The following CCNG1 variants were observed in gnomAD, a reference collection of about 807,000 sequenced individuals.
CCNG1 encodes the protein cyclin G1.
A neutral mutation model predicts 30.0 loss-of-function variants in CCNG1; 13 were observed. The ratio of observed to expected loss-of-function variants is 0.43; its 90% confidence interval spans 0.28 to 0.69. CCNG1 has a LOEUF of 0.69. Among genes scored for constraint, CCNG1 ranks in the 30% least tolerant of loss-of-function variants. The pLI is 0.16. For synonymous variants in CCNG1, 110 were observed against 121.5 expected, an observed-to-expected ratio of 0.91 and a Z score of 0.62; for missense variants, 285 against 331.4, an observed-to-expected ratio of 0.86 and a Z score of 1.09.
chr5:163,446,563 C>A (rs1758041768), downstream of CCNG1: 1 of 152,124 alleles, frequency 6.6e-6, no homozygotes, highest in East Asian at 1.9e-4. Context: ...ATATGCTGGC[C>A]ACATTAACTT....
chr5:163,443,291 G>C (rs1316758708), intron 6 of CCNG1, among the ~76,000 whole-genome samples: 13 of 137,498 alleles, frequency 9.5e-5, no homozygotes, highest in Admixed American at 3.2e-4. Flanking sequence ...CAGCCTGGGC[G>C]ACAGAGCAAG....
In CCNG1 at chr5:163,444,820, G is replaced by A. The variant is rs1581172544; in HGVS notation, c.*1150G>A. On this transcript the variant is annotated 3_prime_UTR_variant, in exon 7 of 7. Transcript: ENST00000340828. ...GATCAGTACACAATGAAAAACCAAA[G>A]AACCACAGTATATCTTATTCTTAAC... The A allele has an allele frequency of 6.6e-6, 1 of 152,556 alleles. No individual in the cohort carries two copies. The highest frequency in any genetic ancestry group is 1.9e-4 in the East Asian group (1 of 5,190). The allele number at this position is 152,556 out of a possible 1,614,324, so 9.5% of individuals were successfully genotyped here.
the CCNG1 span, among the ~76,000 whole-genome samples, chr5:163,456,314 G>A: frequency 6.6e-6 from 1 of 152,172 alleles, no homozygotes; most frequent in African/African-American, 2.4e-5. Flanking sequence ...TGAAAGCACA[G>A]CTTTCTTTAA....
intron 1 of CCNG1, 28 bp from the exon 2 acceptor site, chr5:163,439,229 C>A: frequency 4.4e-6 from 7 of 1,602,104 alleles, no homozygotes; most frequent in Non-Finnish European, 6.0e-6. Context: ...CTCTTACACT[C>A]CTTGCTGGTC....
downstream of CCNG1, chr5:163,446,236 T>C (rs774302959): frequency 2.0e-5 from 3 of 151,438 alleles, no homozygotes; most frequent in Non-Finnish European, 2.9e-5. Context: ...TTTACAATTA[T>C]GAGACATCCT....
chr5:163,455,222 G>T, the CCNG1 span, among the ~76,000 whole-genome samples: 1 of 152,100 alleles, frequency 6.6e-6, no homozygotes, highest in African/African-American at 2.4e-5. Flanking sequence ...ATTGAGCAAT[G>T]ATATGAAAAC....
the CCNG1 span, among the ~76,000 whole-genome samples, chr5:163,455,501 C>T: frequency 6.6e-6 from 1 of 152,146 alleles, no homozygotes; most frequent in African/African-American, 2.4e-5. Flanking sequence ...CGGTGGTTCA[C>T]GCCTGTAATC....
downstream of CCNG1, chr5:163,449,488 C>A (rs1472622894): frequency 6.6e-6 from 1 of 152,168 alleles, no homozygotes; most frequent in Non-Finnish European, 1.5e-5. Flanking sequence ...TAAATAGATA[C>A]CTCATGTTCA....
intron 1 of CCNG1, among the ~76,000 whole-genome samples, chr5:163,438,779 G>A (rs1757631166): frequency 6.6e-6 from 1 of 152,094 alleles, no homozygotes; most frequent in Non-Finnish European, 1.5e-5. Context: ...TGTAATCCCG[G>A]CACTTTGGAA....
the CCNG1 span, chr5:163,457,504 G>C: frequency 9.9e-7 from 1 of 1,010,902 alleles, no homozygotes; most frequent in East Asian, 2.4e-5. Flanking sequence ...ATACAAAAGA[G>C]GAAAAGATAT....
chr5:163,442,759 G>A (rs1294707594), intron 6 of CCNG1, among the ~76,000 whole-genome samples, 191 bp downstream of exon 6: 1 of 152,156 alleles, frequency 6.6e-6, no homozygotes, highest in African/African-American at 2.4e-5. Context: ...CATCTTAGGA[G>A]TAAGGAATTA....
downstream of CCNG1, chr5:163,447,012 ATAAAT>A (rs1758053579): frequency 6.6e-6 from 1 of 152,258 alleles, no homozygotes; most frequent in Non-Finnish European, 1.5e-5. Flanking sequence ...GTCTCAAAAA[ATAAAT>A]TAAAAAGCCA....
the CCNG1 span, among the ~76,000 whole-genome samples, chr5:163,456,143 G>T: frequency 6.6e-6 from 1 of 152,098 alleles, no homozygotes; most frequent in East Asian, 1.9e-4. Flanking sequence ...AGGCAACCGG[G>T]TATGCAGGTC....
downstream of CCNG1, chr5:163,449,668 C>T (rs996728834): frequency 3.9e-5 from 6 of 152,152 alleles, no homozygotes; most frequent in African/African-American, 7.2e-5. Context: ...AGTTTTAAGA[C>T]TTACTATAAA....
At chr5:163,452,355 T>C in the CCNG1 span, 3 of 152,132 alleles carry the variant, frequency 2.0e-5, no homozygotes, top group African/African-American at 7.2e-5. Flanking sequence ...GAGGACAGCA[T>C]GAGAAGCCTG....
chr5:163,443,399 A>G (rs1757928756), intron 6 of CCNG1, among the ~76,000 whole-genome samples: 1 of 152,132 alleles, frequency 6.6e-6, no homozygotes, highest in Non-Finnish European at 1.5e-5. Flanking sequence ...TGTCAACACT[A>G]TACTAACCTA....
At chr5:163,456,730 A>T in the CCNG1 span, among the ~76,000 whole-genome samples, 5 of 152,228 alleles carry the variant, frequency 3.3e-5, no homozygotes, top group African/African-American at 1.2e-4. Context: ...ACAGCAATAC[A>T]AATAAATTCC....
chr5:163,440,953 A>C, intron 2 of CCNG1, 125 bp from the exon 3 acceptor site: 2 of 1,041,344 alleles, frequency 1.9e-6, no homozygotes, highest in South Asian at 3.4e-5. Context: ...AGTCCATCAC[A>C]GCTGAGAAAT....
chr5:163,443,167 C>G (rs963939741), intron 6 of CCNG1, among the ~76,000 whole-genome samples: 6 of 152,042 alleles, frequency 3.9e-5, no homozygotes, highest in Admixed American at 6.6e-5. Flanking sequence ...AAAAATTTAG[C>G]CAGTCGCGGT....
Sources: gnomAD v4.1 joint callset for allele counts (sites outside exome capture counted in the v4.1 genomes callset) on GRCh38, gnomAD v4.1.1 for gene constraint, MANE v1.5 for transcripts, NCBI Gene and HGNC (gene_info 2026-07-23, HGNC 2026-07-21) for gene names.